The following HRH1 variants were observed in gnomAD, a reference collection of about 807,000 sequenced individuals.
HRH1 encodes histamine H1 receptor.
In HRH1, 6 loss-of-function variants were observed where a neutral mutation model predicts 10.3. The ratio of observed to expected loss-of-function variants is 0.58; its 90% CI spans 0.32 to 1.15. The LOEUF is 1.15. Ranked by LOEUF, HRH1 falls within the 50% of genes most tolerant of loss-of-function variation. The probability of loss-of-function intolerance (pLI) is 0.05; values close to 1 mark genes in which losing one functional copy is unlikely to be tolerated. For synonymous variants in HRH1, 242 were observed against 236.7 expected (o/e 1.02, Z -0.21); for missense variants, 514 against 615.3 (o/e 0.84, Z 1.74).
At chr3:11,157,774 C>G (rs1203268993) in intron 1 of HRH1, among the ~76,000 whole-genome samples, 1 of 152,212 alleles carries the variant, frequency 6.6e-6, no homozygotes, top group Admixed American at 6.5e-5. Flanking sequence ...TTGTTGCCAG[C>G]AGAATGCATG....
intron 1 of HRH1, among the ~76,000 whole-genome samples, chr3:11,247,084 G>A (rs1303555284): frequency 6.6e-6 from 1 of 152,144 alleles, no homozygotes; most frequent in Non-Finnish European, 1.5e-5. Context: ...AGTACTTTGG[G>A]AGGCTGAGGC....
At chr3:11,183,467 ACCT>A (rs1049093126) in intron 1 of HRH1, among the ~76,000 whole-genome samples, 1 of 151,824 alleles carries the variant, frequency 6.6e-6, no homozygotes, top group African/African-American at 2.4e-5. Flanking sequence ...ATGCTCCTAA[ACCT>A]CCTACAGTGC....
At chr3:11,210,229 A>G (rs1938279462) in intron 1 of HRH1, among the ~76,000 whole-genome samples, 1 of 152,056 alleles carries the variant, frequency 6.6e-6, no homozygotes, top group Non-Finnish European at 1.5e-5. Flanking sequence ...TGTCTCTACC[A>G]AAAAAGATAC....
rs1939904460 is a variant in HRH1, at chr3:11,260,063, G to A, written c.1026G>A (p.Gly342=). Residue 342 remains glycine (G), a synonymous_variant, in exon 2 of 2, where the codon GGG becomes GGA. Coordinates refer to ENST00000431010, the MANE Select transcript of HRH1 (RefSeq NM_001098212.2). ...ATGAGCAGGGCCTGAACACACATGG[G>A]GCCAGCGAGATATCAGAGGATCAGA... ...KTDEQGLNTH[G]ASEISEDQML... is the part of the protein sequence containing the mutation. 1 of 1,614,102 alleles carries A rather than the reference G, an allele frequency of 6.2e-7. No individual in the cohort carries two copies. Among genetic ancestry groups the A allele is most frequent in the South Asian group, 1.1e-5 (1 of 91,070 alleles).
chr3:11,196,635 G>A (rs767314054), intron 1 of HRH1, among the ~76,000 whole-genome samples: 1 of 152,020 alleles, frequency 6.6e-6, no homozygotes, highest in Non-Finnish European at 1.5e-5. Flanking sequence ...TAATGCTTGC[G>A]CCCTTTGTTG....
Position 11,263,390 on chromosome 3 carries a change from T to C in HRH1, c.*2889T>C. The stretch of plus-strand genomic sequence containing the variant: ...GGCTATTTATGCACCCTAAGTGCCA[T>C]AGAGACATGCTGTTGGCAAGGCATG... On this transcript the variant is annotated 3_prime_UTR_variant, in exon 2 of 2. Transcript: ENST00000431010. 1 of 167,216 alleles carries C rather than the reference T, an allele frequency of 6.0e-6. No individual in the cohort carries two copies. The allele number at this position is 167,216 out of a possible 1,614,324, so 10.4% of individuals were successfully genotyped here. A position where few individuals can be genotyped will look rare whatever the true frequency, so the allele number is the denominator to read the frequency against.
At chr3:11,145,001 C>A (rs1936403539) in intron 1 of HRH1, among the ~76,000 whole-genome samples, 1 of 152,212 alleles carries the variant, frequency 6.6e-6, no homozygotes, top group Non-Finnish European at 1.5e-5. Context: ...TCCCGCTATA[C>A]TGCTGGTTAC....
At chr3:11,221,098 A>G (rs754299716) in intron 1 of HRH1, among the ~76,000 whole-genome samples, 3 of 152,224 alleles carry the variant, frequency 2.0e-5, no homozygotes, top group Non-Finnish European at 4.4e-5. Flanking sequence ...AATGCTGTCT[A>G]CCACAAGACA....
chr3:11,202,278 C>T (rs899659520), intron 1 of HRH1, among the ~76,000 whole-genome samples: 2 of 151,836 alleles, frequency 1.3e-5, no homozygotes, highest in East Asian at 1.9e-4. Flanking sequence ...GTGGTGAGCG[C>T]CTTGTAATCC....
chr3:11,139,858 T>G (rs1263700005), intron 1 of HRH1, among the ~76,000 whole-genome samples: 2 of 152,152 alleles, frequency 1.3e-5, no homozygotes, highest in African/African-American at 4.8e-5. Context: ...TATGGAGTTG[T>G]TTTTTGGGAT....
intron 1 of HRH1, among the ~76,000 whole-genome samples, chr3:11,213,865 C>A (rs1197680716): frequency 1.3e-5 from 2 of 152,174 alleles, no homozygotes; most frequent in Non-Finnish European, 2.9e-5. Context: ...TTTAGACCAG[C>A]AAAATAAGGT....
In HRH1 at chr3:11,139,882, C is replaced by T. The variant is rs115744074; in HGVS notation, c.-36+2483C>T. Among the ~76,000 whole-genome samples, 482 of 152,082 alleles carry T rather than the reference C, an allele frequency of 3.2e-3. 2 individuals carry two copies. Among genetic ancestry groups the T allele is most frequent in the African/African-American group, 0.011 (447 of 41,478 alleles). Reference sequence around the variant, plus strand: ...GTTTTTTGGGATGATGGAAATGTTCCGAAAACTGCTAGTGGTGATGGTTGC... The same window carrying T: ...GTTTTTTGGGATGATGGAAATGTTCTGAAAACTGCTAGTGGTGATGGTTGC... On this transcript the variant is annotated intron_variant, in intron 1 of 1. Transcript: ENST00000438284.
chr3:11,244,966 T>A (rs1360858498), intron 1 of HRH1, among the ~76,000 whole-genome samples: 1 of 152,110 alleles, frequency 6.6e-6, no homozygotes, highest in Non-Finnish European at 1.5e-5. Context: ...AGGCTAGGGA[T>A]AATGGTAAAT....
At chr3:11,256,563 G>C (rs1361191970) in intron 1 of HRH1, among the ~76,000 whole-genome samples, 2 of 152,150 alleles carry the variant, frequency 1.3e-5, no homozygotes, top group East Asian at 3.9e-4. Context: ...CACTTTGGGA[G>C]GCTGAGGTGG....
At chr3:11,167,318 C>T (rs1310543862) in intron 1 of HRH1, among the ~76,000 whole-genome samples, 115 of 53,650 alleles carry the variant, frequency 2.1e-3, no homozygotes, top group Middle Eastern at 0.016. Context: ...GTCCCCTGGC[C>T]TCTCCAGGCC....
At chr3:11,235,011 C>G (rs568453849) in intron 1 of HRH1, among the ~76,000 whole-genome samples, 11 of 152,062 alleles carry the variant, frequency 7.2e-5, no homozygotes, top group African/African-American at 2.7e-4. Context: ...GTCAGGAGAT[C>G]GAGACCATCC....
At position 11,237,179 on chromosome 3, in the gene HRH1, C is replaced by T. The variant is rs149918216; in HGVS notation, c.-35-21824C>T. 1.2e-3 allele frequency among the ~76,000 whole-genome samples: 186 copies of T among 152,240 alleles called. 1 individual carries two copies. Among genetic ancestry groups the T allele is most frequent in the African/African-American group, 3.7e-3 (154 of 41,548 alleles). Reference sequence around the variant, plus strand: ...ATGTTAGCACGGATATCCATATTTTCGAATTCCTTGGAATCTTTATTTAAA... The same window carrying T: ...ATGTTAGCACGGATATCCATATTTTTGAATTCCTTGGAATCTTTATTTAAA... On this transcript the variant is annotated intron_variant, in intron 1 of 1. Coordinates refer to ENST00000431010, the MANE Select transcript of HRH1 (RefSeq NM_001098212.2).
At chr3:11,243,379 G>T (rs1441990761) in intron 1 of HRH1, among the ~76,000 whole-genome samples, 1 of 152,222 alleles carries the variant, frequency 6.6e-6, no homozygotes, top group Non-Finnish European at 1.5e-5. Flanking sequence ...GACAGAAATA[G>T]TGGACATCCT....
rs200817909 is a variant in HRH1, at chr3:11,259,453, G to A, written c.416G>A (p.Arg139His). 2.3e-5 allele frequency: 37 copies of A among 1,613,752 alleles called. 1 individual carries two copies. The Admixed American group carries it at 3.2e-4, about 14-fold the overall frequency. Residue 139 changes from arginine to histidine, a missense_variant, in exon 2 of 2, where the codon CGT (arginine) becomes CAT (histidine). Physicochemically the swap from Arg to His is conservative, Grantham distance 29. Coordinates refer to ENST00000431010, the MANE Select transcript of HRH1 (RefSeq NM_001098212.2). This position sits in a 1 kb window ranked among gnomAD's most constrained non-coding sequence, Gnocchi z 4.6. ...VQQPLRYLKY[R>H]TKTRASATIL... ...CAGCCCCTCAGGTACCTTAAGTATC[G>A]TACCAAGACCCGAGCCTCGGCCACC...
Sources: allele counts gnomAD v4.1 joint callset (sites outside exome capture counted in the v4.1 genomes callset), GRCh38; gene constraint gnomAD v4.1.1; non-coding constraint Gnocchi (gnomAD v3.1); transcripts MANE v1.5; gene names NCBI Gene and HGNC (gene_info 2026-07-23, HGNC 2026-07-21).